Variants in CDK5RAP2 observed in about 807,000 individuals in gnomAD.
CDK5RAP2 encodes CDK5 regulatory subunit associated protein 2, also known as CDK5 regulatory subunit-associated protein 2.
A neutral mutation model predicts 232.9 loss-of-function variants in CDK5RAP2; 147 were observed. The ratio of observed to expected loss-of-function variants is 0.63; its 90% CI spans 0.55 to 0.72. CDK5RAP2 has a LOEUF of 0.72. Among genes scored for constraint, CDK5RAP2 ranks in the 30% least tolerant of loss-of-function variants. The probability of loss-of-function intolerance (pLI) is 0.00; values close to 1 mark genes in which losing one functional copy is unlikely to be tolerated. For missense variants in CDK5RAP2, 2,195 were observed against 2,231.5 expected, an observed-to-expected ratio of 0.98 and a Z score of 0.33; for synonymous variants, 833 against 833.7, an observed-to-expected ratio of 1.00 and a Z score of 0.01.
rs2035783638 is a variant in CDK5RAP2 at position 120,439,645 on chromosome 9, T to A, written c.3476A>T (p.Lys1159Met). 4.3e-6 allele frequency: 7 copies of A among 1,614,090 alleles called. No homozygotes were observed. Among genetic ancestry groups the A allele is most frequent in the Non-Finnish European group, 5.1e-6 (6 of 1,180,048 alleles). The change falls in exon 24 of 38, where the codon AAG becomes ATG. Residue 1159 changes from lysine to methionine, a missense_variant. Lys to Met is a moderately conservative substitution (Grantham distance 95). Coordinates refer to ENST00000349780, the MANE Select transcript of CDK5RAP2 (RefSeq NM_018249.6). ...TTCCCCATCAGAACCATTCTTGGGC[T>A]TGCTCAAGCCATCCTGGGCCCCTTC... ...GTEGAQDGLS[K>M]PKNGSDGEEM... is the part of the protein sequence containing the mutation.
intron 31 of CDK5RAP2, chr9:120,407,958 G>A (rs2033590942): frequency 3.3e-6 from 1 of 301,348 alleles, no homozygotes; most frequent in Admixed American, 4.5e-5. Flanking sequence ...CCTACTATGT[G>A]TCAGGTATCT....
intron 12 of CDK5RAP2, 135 bp from the exon 13 acceptor site, chr9:120,491,612 A>G: frequency 1.6e-6 from 1 of 609,420 alleles, no homozygotes; most frequent in Non-Finnish European, 2.8e-6. Flanking sequence ...TGTATATTTA[A>G]ATCCTTCTCA....
chr9:120,544,669 G>A (rs561721555), intron 5 of CDK5RAP2, among the ~76,000 whole-genome samples: 23 of 152,378 alleles, frequency 1.5e-4, no homozygotes, highest in African/African-American at 5.0e-4. Context: ...CAGGACAAAT[G>A]AAGCATTTCC....
At chr9:120,537,544 C>G (rs564635090) in intron 6 of CDK5RAP2, among the ~76,000 whole-genome samples, 42 of 152,192 alleles carry the variant, frequency 2.8e-4, no homozygotes, top group Non-Finnish European at 5.4e-4. Context: ...TATCTCCCAT[C>G]TGCATCCAAC....
chr9:120,531,514 G>T (rs1451035132), intron 7 of CDK5RAP2, among the ~76,000 whole-genome samples: 1 of 152,078 alleles, frequency 6.6e-6, no homozygotes, highest in Non-Finnish European at 1.5e-5. Flanking sequence ...ACAAAATAGG[G>T]GTGACTTGTG....
intron 12 of CDK5RAP2, among the ~76,000 whole-genome samples, chr9:120,509,320 G>A (rs926607730): frequency 1.3e-5 from 2 of 152,178 alleles, no homozygotes. Context: ...TCAAAGTCCT[G>A]AGCCAGCACC....
At chr9:120,390,168 G>T in intron 36 of CDK5RAP2, 1 of 253,738 alleles carries the variant, frequency 3.9e-6, no homozygotes, top group Non-Finnish European at 8.0e-6. Context: ...AGAGGCCTGG[G>T]CCTGCCCAGC....
chr9:120,430,503 A>G (rs2035216326), intron 25 of CDK5RAP2, among the ~76,000 whole-genome samples: 1 of 151,478 alleles, frequency 6.6e-6, no homozygotes, highest in Admixed American at 6.6e-5. Context: ...CAAAAGACAC[A>G]TGAAAAAATG....
At chr9:120,508,884 A>T (rs948674547) in intron 12 of CDK5RAP2, among the ~76,000 whole-genome samples, 1 of 152,228 alleles carries the variant, frequency 6.6e-6, no homozygotes, top group Non-Finnish European at 1.5e-5. Flanking sequence ...TTTCTTCACT[A>T]GATTCCTTCA....
chr9:120,507,346 CA>C (rs1406266365), intron 12 of CDK5RAP2, among the ~76,000 whole-genome samples: 2 of 152,072 alleles, frequency 1.3e-5, no homozygotes, highest in Admixed American at 6.6e-5. Context: ...CCCATTTTAC[CA>C]ATCAGAAAAC....
intron 5 of CDK5RAP2, among the ~76,000 whole-genome samples, chr9:120,545,198 AC>A (rs1417230673): frequency 6.6e-6 from 1 of 152,148 alleles, no homozygotes; most frequent in Non-Finnish European, 1.5e-5. Flanking sequence ...ACCCATCAGG[AC>A]CCCTTCAAGT....
chr9:120,546,157 C>G (rs953215176), intron 4 of CDK5RAP2, among the ~76,000 whole-genome samples: 10 of 152,110 alleles, frequency 6.6e-5, no homozygotes, highest in Non-Finnish European at 1.3e-4. Flanking sequence ...TTTCCCATTC[C>G]AAAGCAATTA....
intron 23 of CDK5RAP2, chr9:120,440,203 C>G (rs1196251739): frequency 1.7e-6 from 1 of 574,692 alleles, no homozygotes; most frequent in Non-Finnish European, 3.1e-6. Flanking sequence ...TGTCCTCTTC[C>G]TCAGAGTGAC....
chr9:120,411,983 GACT>G (rs2033879611), intron 28 of CDK5RAP2, among the ~76,000 whole-genome samples: 1 of 152,170 alleles, frequency 6.6e-6, no homozygotes, highest in African/African-American at 2.4e-5. Flanking sequence ...AAGCAATCAT[GACT>G]GCTGCTGCTT....
chr9:120,518,196 TGTGTGTGTGTGTGTGAGAGAGAGA>T (rs1342272128), intron 12 of CDK5RAP2, among the ~76,000 whole-genome samples: 2 of 104,448 alleles, frequency 1.9e-5, no homozygotes, highest in African/African-American at 7.4e-5. Context: ...TGTGTGTGTG[TGTGTGTGTGTGTGTGAGAGAGAGA>T]GAGAGAGAGA....
At chr9:120,472,321 C>T (rs546259584) in intron 15 of CDK5RAP2, among the ~76,000 whole-genome samples, 39 of 152,174 alleles carry the variant, frequency 2.6e-4, no homozygotes, top group Non-Finnish European at 4.6e-4. Context: ...TTGCTATAGG[C>T]GTTAACTAGG....
intron 1 of CDK5RAP2, among the ~76,000 whole-genome samples, chr9:120,572,681 A>G (rs1249868143): frequency 6.6e-6 from 1 of 152,134 alleles, no homozygotes; most frequent in Non-Finnish European, 1.5e-5. Flanking sequence ...AAAAGACACT[A>G]CCCTGATCTA....
chr9:120,496,487 A>G (rs2039250549), intron 12 of CDK5RAP2, among the ~76,000 whole-genome samples: 1 of 125,918 alleles, frequency 7.9e-6, no homozygotes, highest in African/African-American at 3.1e-5. Context: ...CTGCCCGGCC[A>G]GCCGCCCCGT....
chr9:120,551,519 G>C lies in CDK5RAP2; in HGVS notation c.196-617C>G, dbSNP rs995416583. On this transcript the variant is annotated intron_variant, in intron 3 of 37. Transcript: ENST00000349780. The stretch of plus-strand genomic sequence containing the variant: ...TTCCTCCTGAAATAAATCAATGAGA[G>C]CAAATAATTCCATCCAAAGTGCTTC... 4.6e-5 allele frequency among the ~76,000 whole-genome samples: 7 copies of C among 152,190 alleles called. 1 individual carries two copies. The highest frequency in any genetic ancestry group is 4.6e-4 in the Admixed American group (7 of 15,274).
Sources: gnomAD v4.1 joint callset for allele counts (sites outside exome capture counted in the v4.1 genomes callset) on GRCh38, gnomAD v4.1.1 for gene constraint, MANE v1.5 for transcripts, NCBI Gene and HGNC (gene_info 2026-07-23, HGNC 2026-07-21) for gene names.